Variants in NSD1 observed in about 807,000 individuals in gnomAD.
NSD1 encodes the protein nuclear receptor binding SET domain protein 1.
A neutral mutation model predicts 242.7 loss-of-function variants in NSD1; 26 were observed. The observed-to-expected ratio is 0.11, with a 90% CI of 0.08 to 0.15. NSD1 has a LOEUF of 0.15. NSD1 is among the 10% of genes least tolerant of loss of function. The pLI is 1.00. For synonymous variants in NSD1, 1,106 were observed against 1,178.1 expected, an observed-to-expected ratio of 0.94 and a Z score of 1.25; for missense variants, 2,495 against 3,272.8, an observed-to-expected ratio of 0.76 and a Z score of 5.80.
chr5:177,241,318 G>A (rs911022911), intron 8 of NSD1, among the ~76,000 whole-genome samples: 1 of 150,406 alleles, frequency 6.6e-6, no homozygotes, highest in Non-Finnish European at 1.5e-5. Context: ...CCAACATGGT[G>A]AAACCCCGTC....
chr5:177,188,700 A>G (rs1189036986), intron 2 of NSD1, among the ~76,000 whole-genome samples: 2 of 152,082 alleles, frequency 1.3e-5, no homozygotes, highest in Admixed American at 6.6e-5. Flanking sequence ...GGTTATATAG[A>G]TGAGAGGTTT....
chr5:177,172,538 G>A lies in NSD1; in HGVS notation c.928-19346G>A, dbSNP rs544261821. On this transcript the variant is annotated intron_variant, in intron 2 of 22. Coordinates refer to ENST00000439151, the MANE Select transcript of NSD1 (RefSeq NM_022455.5). ...TATGATACATAGAAATGACTTCTTAGTGGTAATATATGGCAGGATTTGGCA... is the reference window on the plus strand; with the variant it reads ...TATGATACATAGAAATGACTTCTTAATGGTAATATATGGCAGGATTTGGCA... Among the ~76,000 whole-genome samples the A allele has an allele frequency of 1.2e-4, 19 of 152,236 alleles. 1 individual carries two copies. The highest frequency in any genetic ancestry group is 6.8e-3 in the Middle Eastern group (2 of 294).
In NSD1 at chr5:177,269,919, G is replaced by A; in HGVS notation, c.5509+112G>A. The A allele has an allele frequency of 1.1e-6, 1 of 877,398 alleles. No individual in the cohort carries two copies. The highest frequency in any genetic ancestry group is 1.8e-5 in the South Asian group (1 of 56,518). 54.4% of individuals were successfully genotyped at this position (877,398 alleles called of 1,614,324 possible). ...TTTTGAAACTGCCTTTGTCCTCTCA[G>A]GGCATTATCTGGCTGCAAATACAGT... On this transcript the variant is annotated intron_variant, in intron 16 of 22. Transcript: ENST00000439151. The surrounding 1 kb of genome is among the most constrained non-coding windows in gnomAD (Gnocchi z 5.1).
chr5:177,233,736 T>TTTAAAA (rs1166340434), intron 5 of NSD1, among the ~76,000 whole-genome samples: 1 of 152,060 alleles, frequency 6.6e-6, no homozygotes, highest in East Asian at 1.9e-4. Context: ...TAGTTGGTGC[T>TTTAAAA]TATTTCAGGG....
In NSD1 at chr5:177,158,922, TTGTGTG is replaced by T. The variant is rs560922028; in HGVS notation, c.927+22904_927+22909del. Among the ~76,000 whole-genome samples, 116 of 132,392 alleles carry T rather than the reference TTGTGTG, an allele frequency of 8.8e-4. 2 individuals carry two copies. Among genetic ancestry groups the T allele is most frequent in the Admixed American group, 6.1e-3 (82 of 13,504 alleles). The allele number at this position is 132,392 out of a possible 152,430, so 86.9% of individuals were successfully genotyped here. A position where few individuals can be genotyped will look rare whatever the true frequency, so the allele number is the denominator to read the frequency against. ...CTTTGGAAAGTTTTTTATATATAGT[TTGTGTG>T]TGTGTGTGTGTATATATACACACAT... On this transcript the variant is annotated intron_variant, in intron 2 of 22. Transcript: ENST00000439151.
intron 2 of NSD1, chr5:177,136,329 TA>T (rs1176817397): frequency 0.059 from 10,349 of 175,556 alleles, 2 homozygotes; most frequent in South Asian, 0.14. Context: ...CATATATGAT[TA>T]AAAAAAAAAA....
intron 5 of NSD1, 71 bp from the exon 6 acceptor site, chr5:177,235,750 A>G (rs1765392388): frequency 6.2e-7 from 1 of 1,602,320 alleles, no homozygotes; most frequent in Non-Finnish European, 8.5e-7. Context: ...GGAGTATCAG[A>G]TGGTCTCATA....
At chr5:177,242,029 A>G (rs918459) in intron 8 of NSD1, among the ~76,000 whole-genome samples, 25,651 of 152,110 alleles carry the variant, frequency 0.17, 2,890 homozygotes, top group Middle Eastern at 0.26. Flanking sequence ...GGTCTTTTTC[A>G]TTCTAAACAG....
chr5:177,135,931 A>G lies in NSD1; in HGVS notation c.828A>G (p.Leu276=), dbSNP rs757604609. Residue 276 remains leucine (L), a synonymous_variant, in exon 2 of 23, where the codon TTA becomes TTG. Transcript: ENST00000439151. The part of the protein sequence containing the change: ...TIEEQLNSIN[L]SFQDDPDSST... Reference sequence around the variant, plus strand: ...AAGAGCAATTAAACTCAATAAATTTATCTTTTCAGGATGATCCAGATTCCA... The same window carrying G: ...AAGAGCAATTAAACTCAATAAATTTGTCTTTTCAGGATGATCCAGATTCCA... 2 of 1,613,494 alleles carry G rather than the reference A, an allele frequency of 1.2e-6. No homozygotes were observed. The highest frequency in any genetic ancestry group is 1.1e-5 in the South Asian group (1 of 91,054).
At chr5:177,185,417 G>T (rs1423760342) in intron 2 of NSD1, among the ~76,000 whole-genome samples, 1 of 151,614 alleles carries the variant, frequency 6.6e-6, no homozygotes, top group African/African-American at 2.4e-5. Flanking sequence ...GGCCAACATG[G>T]TGAAACCCTG....
chr5:177,152,646 G>A (rs1339641523), intron 2 of NSD1, among the ~76,000 whole-genome samples: 1 of 151,038 alleles, frequency 6.6e-6, no homozygotes, highest in Non-Finnish European at 1.5e-5. Flanking sequence ...GTAGAGATGG[G>A]GTTTCACTGG....
chr5:177,289,798 A>G (rs1759632207), intron 21 of NSD1, among the ~76,000 whole-genome samples: 1 of 149,732 alleles, frequency 6.7e-6, no homozygotes, highest in African/African-American at 2.5e-5. Flanking sequence ...TTCCATGTCT[A>G]TATTCTCCTT....
chr5:177,257,217 CTTTTTTCTTTCT>C (rs1756541323), intron 13 of NSD1, 66 bp downstream of exon 13: 1 of 885,946 alleles, frequency 1.1e-6, no homozygotes, highest in African/African-American at 1.7e-5. Context: ...CAGATATTTT[CTTTTTTCTTTCT>C]TTTTTTTTTT....
At chr5:177,263,115 A>AC (rs1377661212) in intron 14 of NSD1, among the ~76,000 whole-genome samples, 2 of 152,142 alleles carry the variant, frequency 1.3e-5, no homozygotes, top group Non-Finnish European at 2.9e-5. Flanking sequence ...AGCAAGCTGT[A>AC]CCCCCACCAC....
Position 177,210,208 on chromosome 5 carries a change from T to C in NSD1, c.1809T>C (p.Ser603=). Residue 603 remains serine, a synonymous_variant, in exon 5 of 23, where the codon TCT becomes TCC. Coordinates refer to ENST00000439151, the MANE Select transcript of NSD1 (RefSeq NM_022455.5). ...LPEGALISKC[S]REKNKPQRSL... is the part of the protein sequence containing the mutation. ...AGGGTGCTTTGATCTCAAAGTGTTC[T>C]CGAGAGAAGAATAAACCCCAACGAA... 1 of 1,596,624 alleles carries C rather than the reference T, an allele frequency of 6.3e-7. No homozygotes were observed. The highest frequency in any genetic ancestry group is 1.1e-5 in the South Asian group (1 of 88,440).
intron 2 of NSD1, among the ~76,000 whole-genome samples, chr5:177,160,169 G>A (rs1199576264): frequency 6.6e-6 from 1 of 152,158 alleles, no homozygotes; most frequent in Non-Finnish European, 1.5e-5. Flanking sequence ...GGGATTACAG[G>A]CATGAGCTAC....
chr5:177,282,741 C>A (rs1192246304), intron 19 of NSD1, among the ~76,000 whole-genome samples, 160 bp downstream of exon 19: 2 of 152,150 alleles, frequency 1.3e-5, no homozygotes, highest in African/African-American at 2.4e-5. Flanking sequence ...TAAGAGTGCT[C>A]ATTTTCTGGG....
chr5:177,275,654 C>G (rs982904049), intron 17 of NSD1, among the ~76,000 whole-genome samples: 17 of 151,694 alleles, frequency 1.1e-4, no homozygotes, highest in African/African-American at 4.1e-4. Flanking sequence ...AGGATGGTCT[C>G]GATCTCCTGA....
rs184884565 is a variant in NSD1 at position 177,298,292 on chromosome 5, A to C, written c.*2833A>C. ...GGTGGTATTTGGGTATGTGCTTGGA[A>C]ATTGAGATCTCAAGAGTGTTTGCCT... On this transcript the variant is annotated 3_prime_UTR_variant, in exon 23 of 23. Transcript: ENST00000439151. 28 of 233,218 alleles carry C rather than the reference A, an allele frequency of 1.2e-4. No individual in the cohort carries two copies. The highest frequency in any genetic ancestry group is 5.5e-4 in the African/African-American group (25 of 45,466). 14.4% of individuals were successfully genotyped at this position (233,218 alleles called of 1,614,324 possible).
Sources: allele counts gnomAD v4.1 joint callset (sites outside exome capture counted in the v4.1 genomes callset), GRCh38; gene constraint gnomAD v4.1.1; non-coding constraint Gnocchi (gnomAD v3.1); transcripts MANE v1.5; gene names NCBI Gene and HGNC (gene_info 2026-07-23, HGNC 2026-07-21).